Variants in SLC26A3 observed in about 807,000 individuals in gnomAD.
SLC26A3 encodes the protein chloride anion exchanger.
Under a neutral mutation model 85.6 loss-of-function variants are expected in SLC26A3, and 64 were observed. The observed-to-expected ratio is 0.75, with a 90% confidence interval of 0.61 to 0.92. The LOEUF is 0.92. Ranked by LOEUF, SLC26A3 falls within the 40% of genes least tolerant of loss-of-function variation. The probability of loss-of-function intolerance (pLI) is 0.00; values close to 1 mark genes in which losing one functional copy is unlikely to be tolerated. For missense variants in SLC26A3, 922 were observed against 927.3 expected, an observed-to-expected ratio of 0.99 and a Z score of 0.07; for synonymous variants, 349 against 336.0, an observed-to-expected ratio of 1.04 and a Z score of -0.42.
At chr7:107,794,098 C>T (rs1276281841) in intron 2 of SLC26A3, among the ~76,000 whole-genome samples, 2 of 152,152 alleles carry the variant, frequency 1.3e-5, no homozygotes, top group Non-Finnish European at 2.9e-5. Flanking sequence ...ACCTATTTGT[C>T]ATCCTCAGCT....
intron 1 of SLC26A3, among the ~76,000 whole-genome samples, chr7:107,799,926 C>A (rs1317320834): frequency 1.3e-5 from 2 of 152,192 alleles, no homozygotes; most frequent in East Asian, 1.9e-4. Flanking sequence ...TATGTTTACT[C>A]TGAGCTTATC....
At position 107,791,797 on chromosome 7, in the gene SLC26A3, T is replaced by C. The variant is rs117729833; in HGVS notation, c.382+33A>G. The C allele has an allele frequency of 1.8e-3, 2,318 of 1,303,880 alleles. 2 individuals carry two copies. Among genetic ancestry groups the C allele is most frequent in the Non-Finnish European group, 2.2e-3 (1,963 of 896,922 alleles). 80.8% of individuals were successfully genotyped at this position (1,303,880 alleles called of 1,614,324 possible). ...AATAAAATTCATAAGGAAAAAACAA[T>C]GTGAGCATTAATCAGCTCAGTAACT... On this transcript the variant is annotated intron_variant, in intron 4 of 20. Coordinates refer to ENST00000340010, the MANE Select transcript of SLC26A3 (RefSeq NM_000111.3).
At chr7:107,773,741 G>A (rs1409615228) in intron 17 of SLC26A3, among the ~76,000 whole-genome samples, 179 bp downstream of exon 17, 1 of 152,158 alleles carries the variant, frequency 6.6e-6, no homozygotes, top group Non-Finnish European at 1.5e-5. Flanking sequence ...AGTAGAGACG[G>A]GGCTTCGCCA....
At chr7:107,799,878 G>C (rs1345405770) in intron 1 of SLC26A3, among the ~76,000 whole-genome samples, 1 of 152,208 alleles carries the variant, frequency 6.6e-6, no homozygotes, top group Non-Finnish European at 1.5e-5. Flanking sequence ...GCTGGAACCT[G>C]TTGGAAAATG....
In SLC26A3 at chr7:107,791,148, A is replaced by C. The variant is rs1377813583; in HGVS notation, c.470T>G (p.Leu157Trp). 5 of 1,614,220 alleles carry C rather than the reference A, an allele frequency of 3.1e-6. No individual in the cohort carries two copies. Among genetic ancestry groups the C allele is most frequent in the Non-Finnish European group, 2.5e-6 (3 of 1,180,044 alleles). The change falls in exon 5 of 21, where the codon TTG (leucine) becomes TGG (tryptophan). Residue 157 changes from leucine to tryptophan, a missense_variant. By Grantham distance (61) the Leu-to-Trp change is moderately conservative. Coordinates refer to ENST00000340010, the MANE Select transcript of SLC26A3 (RefSeq NM_000111.3). ...KAVPDRNATTLGLPNNSNNSS... is the reference protein window; with the variant it reads ...KAVPDRNATTWGLPNNSNNSS... ...ATTATTCGAGTTGTTAGGCAATCCC[A>C]AAGTAGTTGCATTGCGATCTGGGAC...
In SLC26A3 at chr7:107,774,022, A is replaced by G. The variant is rs202216109; in HGVS notation, c.1905T>C (p.Leu635=). The stretch of plus-strand genomic sequence containing the variant: ...TTTTGGGGACCTCAATGTTGAGAGG[A>G]AGATCATCATTCCAGTCAATGTGGA... ...LPFHIDWNDD[L]PLNIEVPKIS... Residue 635 remains leucine (L), a synonymous_variant, in exon 17 of 21, where the codon CTT becomes CTC. Transcript: ENST00000340010. 4.0e-5 allele frequency: 64 copies of G among 1,614,124 alleles called. No homozygotes were observed. In the East Asian group the frequency reaches 1.4e-3, roughly 34 times the overall value.
rs386833477 is a variant in SLC26A3, at chr7:107,791,879, GA to G, written c.332del (p.Phe111SerfsTer4). On this transcript the variant is annotated frameshift_variant, in exon 4 of 21. Transcript: ENST00000340010. LOFTEE classifies it high-confidence loss of function. ...PPVYGLYASFFPAIIYLFFGT... is the reference protein window; with the variant it reads ...PPVYGLYASFXPAIIYLFFGT... ...CGAAGAAAAGGTAGATTATGGCTGG[GA>G]AAAAGGATGCATACAACCCATAGAC... is the stretch of plus-strand genomic sequence containing the variant. The G allele has an allele frequency of 1.2e-6, 2 of 1,613,658 alleles. No individual in the cohort carries two copies. Among genetic ancestry groups the G allele is most frequent in the Non-Finnish European group, 1.7e-6 (2 of 1,179,670 alleles).
At chr7:107,770,679 T>G (rs1042711077) in intron 18 of SLC26A3, among the ~76,000 whole-genome samples, 1 of 152,186 alleles carries the variant, frequency 6.6e-6, no homozygotes, top group Non-Finnish European at 1.5e-5. Context: ...CTTGTCAGAT[T>G]CACTGCTATA....
chr7:107,770,904 C>T (rs931654025), intron 18 of SLC26A3, among the ~76,000 whole-genome samples: 13 of 152,230 alleles, frequency 8.5e-5, no homozygotes, highest in South Asian at 6.2e-4. Flanking sequence ...TCTGAAGACC[C>T]GGTGCTCTGC....
Position 107,765,819 on chromosome 7 carries a change from A to G in SLC26A3, c.*36T>C. 6.5e-7 allele frequency: 1 copy of G among 1,537,362 alleles called. No individual in the cohort carries two copies. The highest frequency in any genetic ancestry group is 2.3e-5 in the East Asian group (1 of 44,406). ...CTGGGTATAAAGTTGTTTTTATGTCATAGTCAGATGAAGATCCTTCTGAAT... is the reference window on the plus strand; with the variant it reads ...CTGGGTATAAAGTTGTTTTTATGTCGTAGTCAGATGAAGATCCTTCTGAAT... On this transcript the variant is annotated 3_prime_UTR_variant, in exon 21 of 21. Coordinates refer to ENST00000340010, the MANE Select transcript of SLC26A3 (RefSeq NM_000111.3).
chr7:107,785,123 CAATAGTAGTGT>C (rs1794271706), intron 8 of SLC26A3, among the ~76,000 whole-genome samples: 1 of 152,122 alleles, frequency 6.6e-6, no homozygotes, highest in African/African-American at 2.4e-5. Context: ...AACTAGTTAA[CAATAGTAGTGT>C]AATTTGAACA....
intron 1 of SLC26A3, among the ~76,000 whole-genome samples, chr7:107,799,724 T>C (rs114314523): frequency 6.6e-6 from 1 of 152,244 alleles, no homozygotes; most frequent in African/African-American, 2.4e-5. Context: ...GAGGAGACCA[T>C]TATTTTCCTT....
At chr7:107,769,688 A>G (rs1198952219) in intron 18 of SLC26A3, among the ~76,000 whole-genome samples, 1 of 152,216 alleles carries the variant, frequency 6.6e-6, no homozygotes, top group Non-Finnish European at 1.5e-5. Flanking sequence ...ACACGAGTTT[A>G]CCTATGTAAC....
chr7:107,801,398 C>G (rs949461202), intron 1 of SLC26A3, among the ~76,000 whole-genome samples: 3 of 152,148 alleles, frequency 2.0e-5, no homozygotes, highest in Non-Finnish European at 4.4e-5. Flanking sequence ...ACTCAATATC[C>G]ACAACACAAA....
At chr7:107,800,476 T>C (rs1794580596) in intron 1 of SLC26A3, among the ~76,000 whole-genome samples, 1 of 150,590 alleles carries the variant, frequency 6.6e-6, no homozygotes. Flanking sequence ...AAAGCCTTCA[T>C]GGAATCCCTA....
At chr7:107,801,114 T>C (rs1191402388) in intron 1 of SLC26A3, among the ~76,000 whole-genome samples, 1 of 152,216 alleles carries the variant, frequency 6.6e-6, no homozygotes, top group Non-Finnish European at 1.5e-5. Flanking sequence ...TGAGTATTAC[T>C]GTGGATGGAG....
At position 107,789,119 on chromosome 7, in the gene SLC26A3, C is replaced by CTTTT. The variant is rs72134999; in HGVS notation, c.735+401_735+404dup. 7.6e-4 allele frequency among the ~76,000 whole-genome samples: 97 copies of CTTTT among 128,246 alleles called. 2 individuals carry two copies. The highest frequency in any genetic ancestry group is 2.8e-3 in the African/African-American group (95 of 33,534). 84.1% of individuals were successfully genotyped at this position (128,246 alleles called of 152,430 possible). A position where few individuals can be genotyped will look rare whatever the true frequency, so the allele number is the denominator to read the frequency against. On this transcript the variant is annotated intron_variant, in intron 6 of 20. Coordinates refer to ENST00000340010, the MANE Select transcript of SLC26A3 (RefSeq NM_000111.3). ...TTTCTTTTTCTTTTCTTTTCTTTTT[C>CTTTT]TTTTTTTTTTTTTTGAGACAAGAGT...
intron 1 of SLC26A3, among the ~76,000 whole-genome samples, chr7:107,800,522 G>A (rs1213644957): frequency 6.6e-6 from 1 of 152,188 alleles, no homozygotes; most frequent in Non-Finnish European, 1.5e-5. Flanking sequence ...TAAGTACCTT[G>A]TATATATGTC....
intron 11 of SLC26A3, 140 bp from the exon 12 acceptor site, chr7:107,779,903 A>G: frequency 1.4e-6 from 1 of 733,302 alleles, no homozygotes; most frequent in Admixed American, 2.0e-5. Context: ...CCGGTGTGCG[A>G]TGCCACGCAA....
Sources: allele counts gnomAD v4.1 joint callset (sites outside exome capture counted in the v4.1 genomes callset), GRCh38; gene constraint gnomAD v4.1.1; transcripts MANE v1.5; gene names NCBI Gene and HGNC (gene_info 2026-07-23, HGNC 2026-07-21).